POFUT3: variants seen among roughly 807,000 people sequenced by gnomAD.
POFUT3 encodes protein O-fucosyltransferase 3, also known as GDP-fucose protein O-fucosyltransferase 3.
chr8:33,466,006 A>C, the POFUT3 span, among the ~76,000 whole-genome samples: 2 of 152,220 alleles, frequency 1.3e-5, no homozygotes, highest in African/African-American at 4.8e-5. Context: ...ACCTTCGCAT[A>C]GCTTTATGAA....
chr8:33,470,236 C>CAAAAAAAAAAAAAAAAAAAAAAAAAAA, the POFUT3 span, among the ~76,000 whole-genome samples: 1 of 89,114 alleles, frequency 1.1e-5, no homozygotes, highest in African/African-American at 4.6e-5. Flanking sequence ...CCCATCTCTA[C>CAAAAAAAAAAAAAAAAAAAAAAAAAAA]AAAAAAAAAA....
the POFUT3 span, among the ~76,000 whole-genome samples, chr8:33,357,479 C>G: frequency 6.6e-6 from 1 of 151,224 alleles, no homozygotes; most frequent in African/African-American, 2.4e-5. Context: ...TTCTCTACCA[C>G]CATTATCCTC....
At chr8:33,389,365 G>A in the POFUT3 span, 3 of 1,614,146 alleles carry the variant, frequency 1.9e-6, no homozygotes, top group East Asian at 6.7e-5. Context: ...ACTGTGCAAT[G>A]ATCCTATAAA....
chr8:33,370,169 TAAAAAAAAAAAAAAAAAA>T, the POFUT3 span, among the ~76,000 whole-genome samples: 15 of 39,864 alleles, frequency 3.8e-4, no homozygotes, highest in Admixed American at 5.0e-4. Context: ...CCATCTTTAC[TAAAAAAAAAAAAAAAAAA>T]AAAAAAAAAA....
the POFUT3 span, among the ~76,000 whole-genome samples, chr8:33,404,561 G>T: frequency 3.9e-5 from 6 of 152,194 alleles, no homozygotes; most frequent in African/African-American, 1.4e-4. Context: ...AACAAAACAG[G>T]TCTGCCTGCC....
At chr8:33,347,687 G>A in the POFUT3 span, among the ~76,000 whole-genome samples, 1 of 152,204 alleles carries the variant, frequency 6.6e-6, no homozygotes, top group Admixed American at 6.5e-5. Context: ...CATTAGGGAT[G>A]TATAGAGAAA....
At chr8:33,406,848 C>T in the POFUT3 span, among the ~76,000 whole-genome samples, 2 of 152,170 alleles carry the variant, frequency 1.3e-5, no homozygotes, top group Non-Finnish European at 2.9e-5. Flanking sequence ...GCATGAGCCA[C>T]TGTCCCTGGC....
chr8:33,381,367 TA>T, the POFUT3 span, among the ~76,000 whole-genome samples: 1 of 152,128 alleles, frequency 6.6e-6, no homozygotes, highest in African/African-American at 2.4e-5. Flanking sequence ...CATTCTAACT[TA>T]AAAAGAAATC....
chr8:33,413,463 A>G, the POFUT3 span, among the ~76,000 whole-genome samples: 1 of 152,280 alleles, frequency 6.6e-6, no homozygotes, highest in East Asian at 1.9e-4. Flanking sequence ...GCCCTACCAG[A>G]CATGAGATTT....
chr8:33,355,002 T>G, the POFUT3 span, among the ~76,000 whole-genome samples: 1 of 152,242 alleles, frequency 6.6e-6, no homozygotes, highest in Non-Finnish European at 1.5e-5. Flanking sequence ...TGATCTTTAC[T>G]TCACAGTCCT....
the POFUT3 span, among the ~76,000 whole-genome samples, chr8:33,446,425 C>A: frequency 6.7e-6 from 1 of 150,266 alleles, no homozygotes; most frequent in East Asian, 2.0e-4. Flanking sequence ...CCACTGCACT[C>A]CAGCCTGGGT....
At chr8:33,408,769 C>A in the POFUT3 span, among the ~76,000 whole-genome samples, 7 of 152,004 alleles carry the variant, frequency 4.6e-5, no homozygotes, top group Admixed American at 4.6e-4. Flanking sequence ...TGACAGAAAT[C>A]AGGTCAGTGT....
At chr8:33,456,770 TC>T in the POFUT3 span, among the ~76,000 whole-genome samples, 21 of 122,766 alleles carry the variant, frequency 1.7e-4, no homozygotes, top group African/African-American at 6.3e-4. Context: ...TTTTCTTTTT[TC>T]TTTTTTTTTT....
the POFUT3 span, among the ~76,000 whole-genome samples, chr8:33,394,446 A>C: frequency 1.2e-4 from 18 of 152,102 alleles, no homozygotes; most frequent in Admixed American, 9.8e-4. Context: ...CTCTTTACCC[A>C]CAATGTCCAG....
chr8:33,350,672 C>G, the POFUT3 span, among the ~76,000 whole-genome samples: 11 of 152,100 alleles, frequency 7.2e-5, no homozygotes, highest in Non-Finnish European at 1.2e-4. Context: ...AAGGGGCTTG[C>G]ATGCATCTAA....
chr8:33,458,995 G>A, the POFUT3 span, among the ~76,000 whole-genome samples: 4,310 of 152,198 alleles, frequency 0.028, 77 homozygotes, highest in East Asian at 0.078. Flanking sequence ...ACACCTTAGC[G>A]TCTACCAGTC....
the POFUT3 span, among the ~76,000 whole-genome samples, chr8:33,458,396 T>C: frequency 1.3e-5 from 2 of 152,218 alleles, no homozygotes; most frequent in Non-Finnish European, 2.9e-5. Flanking sequence ...CCTATTCATA[T>C]GGCAAAGTAT....
the POFUT3 span, among the ~76,000 whole-genome samples, chr8:33,468,810 T>C: frequency 6.6e-6 from 1 of 152,180 alleles, no homozygotes; most frequent in East Asian, 1.9e-4. Context: ...ATTAAAATCC[T>C]TCAATGGCTG....
the POFUT3 span, among the ~76,000 whole-genome samples, chr8:33,416,018 T>C: frequency 2.6e-5 from 4 of 151,958 alleles, no homozygotes; most frequent in Non-Finnish European, 4.4e-5. Context: ...TAAACAAAAG[T>C]GGAACTATTA....
Sources: gnomAD v4.1 joint callset for allele counts (sites outside exome capture counted in the v4.1 genomes callset) on GRCh38, gnomAD v4.1.1 for gene constraint, MANE v1.5 for transcripts, NCBI Gene and HGNC (gene_info 2026-07-23, HGNC 2026-07-21) for gene names.